The following CHD7 variants were observed in gnomAD, a reference collection of about 807,000 sequenced individuals.
CHD7 encodes ATP-dependent chromatin remodeler CHD7.
A neutral mutation model predicts 307.3 loss-of-function variants in CHD7; 24 were observed. That is an observed-to-expected ratio of 0.08 (90% CI 0.06 to 0.11). CHD7 has a LOEUF of 0.11. Among genes scored for constraint, CHD7 ranks in the 10% least tolerant of loss-of-function variants. CHD7 has a pLI of 1.00. For missense variants in CHD7, 3,106 were observed against 3,727.1 expected (o/e 0.83, Z 4.34); for synonymous variants, 1,363 against 1,349.9 (o/e 1.01, Z -0.21).
chr8:60,788,905 ACTTT>A (rs1811636561), intron 3 of CHD7, among the ~76,000 whole-genome samples: 1 of 152,102 alleles, frequency 6.6e-6, no homozygotes, highest in African/African-American at 2.4e-5. Flanking sequence ...TAGTCTTAGA[ACTTT>A]CTTTAAAATT....
chr8:60,798,205 ATC>A lies in CHD7; in HGVS notation c.2239-2179_2239-2178del, dbSNP rs201439130. 9.8e-3 allele frequency among the ~76,000 whole-genome samples: 1,489 copies of A among 152,308 alleles called. 21 individuals are homozygous for A. Among genetic ancestry groups the A allele is most frequent in the African/African-American group, 0.034 (1,410 of 41,546 alleles). On this transcript the variant is annotated intron_variant, in intron 4 of 37. Coordinates refer to ENST00000423902, the MANE Select transcript of CHD7 (RefSeq NM_017780.4). ...GCAGATGGCAGAATACTCTGCTGGAATCTCTGTTTCCTCCACCTGGGATTGAT... is the reference window on the plus strand; with the variant it reads ...GCAGATGGCAGAATACTCTGCTGGAATCTGTTTCCTCCACCTGGGATTGAT...
chr8:60,709,608 A>G (rs891109882), intron 1 of CHD7, among the ~76,000 whole-genome samples: 11 of 152,190 alleles, frequency 7.2e-5, no homozygotes, highest in Admixed American at 2.0e-4. Context: ...GACACATCCT[A>G]TGTACATTTA....
At chr8:60,864,710 A>G (rs888877008) in intron 37 of CHD7, 4 of 338,176 alleles carry the variant, frequency 1.2e-5, no homozygotes, top group Non-Finnish European at 2.2e-5. Flanking sequence ...CATCCTGTCT[A>G]ACTCTATTTT....
At chr8:60,850,974 C>G (rs987821178) in intron 26 of CHD7, 58 bp from the exon 27 acceptor site, 10 of 1,224,516 alleles carry the variant, frequency 8.2e-6, no homozygotes, top group African/African-American at 4.7e-5. Context: ...TACCCACCCC[C>G]CTTCCTTCTT....
intron 1 of CHD7, among the ~76,000 whole-genome samples, chr8:60,712,434 C>T (rs1437231638): frequency 2.0e-5 from 3 of 152,102 alleles, no homozygotes; most frequent in Non-Finnish European, 4.4e-5. Context: ...ACAGCAGAAC[C>T]TTTCTAACAT....
chr8:60,744,850 A>T (rs1204171608), intron 2 of CHD7, among the ~76,000 whole-genome samples: 1 of 95,804 alleles, frequency 1.0e-5, no homozygotes, highest in East Asian at 3.4e-4. Context: ...GCGAGACTCC[A>T]TCTAAAAAAA....
chr8:60,728,825 T>G (rs1462159258), intron 1 of CHD7, among the ~76,000 whole-genome samples: 1 of 152,222 alleles, frequency 6.6e-6, no homozygotes, highest in African/African-American at 2.4e-5. Context: ...TTTATTTATT[T>G]TAACTTGTAG....
At chr8:60,735,753 T>A (rs1472782200) in intron 1 of CHD7, among the ~76,000 whole-genome samples, 1 of 152,198 alleles carries the variant, frequency 6.6e-6, no homozygotes, top group Non-Finnish European at 1.5e-5. Context: ...CTATTTAATA[T>A]GGTCTTTGTT....
At chr8:60,752,482 T>G (rs1809686970) in intron 2 of CHD7, among the ~76,000 whole-genome samples, 1 of 152,210 alleles carries the variant, frequency 6.6e-6, no homozygotes, top group South Asian at 2.1e-4. Context: ...GCTGCTCAGT[T>G]TAGGCAGTTG....
At position 60,742,357 on chromosome 8, in the gene CHD7, C is replaced by A. The variant is rs1436515577; in HGVS notation, c.925C>A (p.Gln309Lys). 1.9e-6 allele frequency: 3 copies of A among 1,613,996 alleles called. No homozygotes were observed. The highest frequency in any genetic ancestry group is 1.7e-6 in the Non-Finnish European group (2 of 1,179,878). ...CTCTCCTACTATAAACAACTCAGGG[C>A]AGTATTCTCGATATCCTTACAGTAA... is the stretch of plus-strand genomic sequence containing the variant. ...VPSPTINNSG[Q>K]YSRYPYSNLN... The change falls in exon 2 of 38, where the codon CAG (glutamine) becomes AAG (lysine). Residue 309 changes from glutamine to lysine, a missense_variant. Transcript: ENST00000423902.
chr8:60,726,217 C>G (rs1808150285), intron 1 of CHD7, among the ~76,000 whole-genome samples: 1 of 151,998 alleles, frequency 6.6e-6, no homozygotes, highest in African/African-American at 2.4e-5. Context: ...TTTCTTTCAC[C>G]AGAAGTGTGG....
chr8:60,818,110 C>CT (rs1001987921), intron 8 of CHD7, among the ~76,000 whole-genome samples: 2 of 151,982 alleles, frequency 1.3e-5, no homozygotes, highest in African/African-American at 4.8e-5. Flanking sequence ...AATCCCCTTC[C>CT]TCCCTCTCTT....
chr8:60,709,873 T>G (rs1268763049), intron 1 of CHD7, among the ~76,000 whole-genome samples: 1 of 152,204 alleles, frequency 6.6e-6, no homozygotes, highest in African/African-American at 2.4e-5. Flanking sequence ...TCCTACAGAG[T>G]TTAAAATGTG....
At chr8:60,803,926 C>A (rs1812429285) in intron 6 of CHD7, among the ~76,000 whole-genome samples, 1 of 152,154 alleles carries the variant, frequency 6.6e-6, no homozygotes, top group African/African-American at 2.4e-5. Flanking sequence ...TTATCTCTGC[C>A]AGGCAGCACT....
chr8:60,725,183 A>G (rs1183105965), intron 1 of CHD7, among the ~76,000 whole-genome samples: 2 of 152,100 alleles, frequency 1.3e-5, no homozygotes, highest in African/African-American at 4.8e-5. Context: ...GAGTTCCTAA[A>G]CTCTGGATTT....
rs759887905 is a variant in CHD7, at chr8:60,741,505, G to A, written c.73G>A (p.Gly25Arg). Residue 25 changes from glycine (G) to arginine (R), a missense_variant, in exon 2 of 38, where the codon GGA becomes AGA. Transcript: ENST00000423902. ...NIFSEGLEGL[G>R]ECGYPENPVN... ...TTTCAGTGAAGGTCTTGAAGGCCTC[G>A]GAGAATGTGGTTACCCGGAAAATCC... 2.4e-5 allele frequency: 38 copies of A among 1,612,724 alleles called. No individual in the cohort carries two copies. In the South Asian group the frequency reaches 3.0e-4, roughly 13 times the overall value.
chr8:60,689,621 A>G (rs186334162), intron 1 of CHD7, among the ~76,000 whole-genome samples: 216 of 152,360 alleles, frequency 1.4e-3, no homozygotes, highest in African/African-American at 5.0e-3. Flanking sequence ...AACAAACATC[A>G]TGATCTTACA....
chr8:60,744,478 ATTTTT>A (rs569101482), intron 2 of CHD7, among the ~76,000 whole-genome samples: 5 of 66,686 alleles, frequency 7.5e-5, no homozygotes, highest in Middle Eastern at 0.011. Context: ...TCAGAGCAGC[ATTTTT>A]TTTTTTTTTT....
intron 2 of CHD7, among the ~76,000 whole-genome samples, chr8:60,768,863 C>T (rs1419866807): frequency 1.3e-5 from 2 of 151,980 alleles, no homozygotes; most frequent in African/African-American, 4.8e-5. Context: ...CCTTTGTTTG[C>T]AATAATTCAT....
Sources: allele counts gnomAD v4.1 joint callset (sites outside exome capture counted in the v4.1 genomes callset), GRCh38; gene constraint gnomAD v4.1.1; transcripts MANE v1.5; gene names NCBI Gene and HGNC (gene_info 2026-07-23, HGNC 2026-07-21).